The following RNF114 variants were observed in gnomAD, a reference collection of about 807,000 sequenced individuals.
The protein encoded by RNF114 is ring finger protein 114.
Under a neutral mutation model 28.4 loss-of-function variants are expected in RNF114, and 6 were observed. That is an observed-to-expected ratio of 0.21 (90% CI 0.12 to 0.42). The LOEUF is 0.42. Ranked by LOEUF, RNF114 falls within the 10% of genes least tolerant of loss-of-function variation. The probability of loss-of-function intolerance (pLI) is 1.00; values close to 1 mark genes in which losing one functional copy is unlikely to be tolerated. For synonymous variants in RNF114, 115 were observed against 116.7 expected, an observed-to-expected ratio of 0.99 and a Z score of 0.09; for missense variants, 249 against 311.7, an observed-to-expected ratio of 0.80 and a Z score of 1.51.
At chr20:49,939,244 T>C (rs2146853251) in intron 1 of RNF114, among the ~76,000 whole-genome samples, 1 of 152,360 alleles carries the variant, frequency 6.6e-6, no homozygotes, top group South Asian at 2.1e-4. Flanking sequence ...CTCTAGAATG[T>C]AAGCATCATG....
At chr20:49,936,892 G>A (rs1568917645) in intron 1 of RNF114, among the ~76,000 whole-genome samples, 1 of 152,196 alleles carries the variant, frequency 6.6e-6, no homozygotes, top group Non-Finnish European at 1.5e-5. Context: ...CCCTTGGAGA[G>A]CCGACGTTTC....
rs142869025 is a variant in RNF114 at position 49,936,675 on chromosome 20, C to T, written c.140+123C>T. On this transcript the variant is annotated intron_variant, in intron 1 of 5. Transcript: ENST00000244061. ...ACCCAGAGGGGCCTCCCGGGGGTGT[C>T]CCCCGGGGCTCCTAAGGGCCGTGAA... 8.0e-6 allele frequency: 10 copies of T among 1,250,962 alleles called. No homozygotes were observed. In the East Asian group the frequency reaches 1.9e-4, roughly 23 times the overall value. 77.5% of individuals were successfully genotyped at this position (1,250,962 alleles called of 1,614,324 possible). A position where few individuals can be genotyped will look rare whatever the true frequency, so the allele number is the denominator to read the frequency against.
At chr20:49,949,879 G>C (rs1431553869) in intron 5 of RNF114, among the ~76,000 whole-genome samples, 1 of 151,578 alleles carries the variant, frequency 6.6e-6, no homozygotes, top group Admixed American at 6.6e-5. Flanking sequence ...TCCTGACCTC[G>C]TGATCTGCCC....
chr20:49,950,608 A>G (rs942880631), intron 5 of RNF114, among the ~76,000 whole-genome samples: 1 of 150,664 alleles, frequency 6.6e-6, no homozygotes, highest in Non-Finnish European at 1.5e-5. Context: ...TCTTGAGCCC[A>G]AGAGACGGAG....
At chr20:49,940,413 T>C (rs950848677) in intron 1 of RNF114, among the ~76,000 whole-genome samples, 7 of 131,414 alleles carry the variant, frequency 5.3e-5, no homozygotes, top group African/African-American at 2.1e-4. Context: ...ATCTGAACCC[T>C]TTTTTTTTTT....
rs2146859652 is a variant in RNF114 at position 49,949,247 on chromosome 20, G to T, written c.514-1G>T. On this transcript the variant is annotated splice_acceptor_variant, in intron 4 of 5. Coordinates refer to ENST00000244061, the MANE Select transcript of RNF114 (RefSeq NM_018683.4). LOFTEE classifies it high-confidence loss of function. ...CTAAGACCTTGCTTTTGTGTTGAAA[G>T]GTTTGTCCGATATGTGCCTCGATGC... 6.2e-7 allele frequency: 1 copy of T among 1,613,998 alleles called. No homozygotes were observed. Among genetic ancestry groups the T allele is most frequent in the South Asian group, 1.1e-5 (1 of 91,080 alleles).
chr20:49,943,873 G>GATACATAT (rs1555857476), intron 2 of RNF114: 2 of 122,136 alleles, frequency 1.6e-5, no homozygotes, highest in African/African-American at 3.1e-5. Flanking sequence ...TACACACAGA[G>GATACATAT]ATATATATAT....
At chr20:49,941,979 T>A (rs2090309764) in intron 2 of RNF114, 1 of 406,100 alleles carries the variant, frequency 2.5e-6, no homozygotes, top group Admixed American at 4.7e-5. Flanking sequence ...AAAAGATCAA[T>A]TATGGCCAGG....
chr20:49,941,233 C>T (rs906646068), intron 1 of RNF114: 2 of 233,872 alleles, frequency 8.6e-6, no homozygotes, highest in African/African-American at 4.5e-5. Context: ...AGGTACTACT[C>T]TCTCCATTTC....
rs367754653 is a variant in RNF114, at chr20:49,949,390, G to C, written c.621+35G>C. 7.1e-6 allele frequency: 11 copies of C among 1,543,334 alleles called. No individual in the cohort carries two copies. The African/African-American group carries it at 1.5e-4, about 21-fold the overall frequency. ...GAGCCTGGGCTCTGATCCCTCCCCT[G>C]GGGGAGTGGCACGGCTACTTCACTC... On this transcript the variant is annotated intron_variant, in intron 5 of 5. Transcript: ENST00000244061.
At chr20:49,944,070 T>G (rs1201962355) in intron 2 of RNF114, 1 of 151,410 alleles carries the variant, frequency 6.6e-6, no homozygotes, top group African/African-American at 2.4e-5. Context: ...TTTTTGGTTT[T>G]GTTTTGTTTT....
chr20:49,952,290 G>T lies in RNF114; in HGVS notation c.*149G>T, dbSNP rs559268160. ...AGGGTCACTTCTGACAGGGGAAGTG[G>T]GTCCCCAGGTCAGCCCTTCTCTTCC... On this transcript the variant is annotated 3_prime_UTR_variant, in exon 6 of 6. Coordinates refer to ENST00000244061, the MANE Select transcript of RNF114 (RefSeq NM_018683.4). 1.5e-6 allele frequency: 1 copy of T among 689,594 alleles called. No homozygotes were observed. The highest frequency in any genetic ancestry group is 1.7e-5 in the African/African-American group (1 of 57,242). 42.7% of individuals were successfully genotyped at this position (689,594 alleles called of 1,614,324 possible).
In RNF114 at chr20:49,952,056, A is replaced by G; in HGVS notation, c.622-20A>G. ...ATCTAGAAACAGTTGCTGAGGCTGC[A>G]TGTCTCTTTTTGCCCTTAGGATTAT... On this transcript the variant is annotated intron_variant, in intron 5 of 5. Transcript: ENST00000244061. The G allele has an allele frequency of 6.2e-7, 1 of 1,602,778 alleles. No individual in the cohort carries two copies. Among genetic ancestry groups the G allele is most frequent in the South Asian group, 1.1e-5 (1 of 90,858 alleles).
At chr20:49,946,273 TTTA>T in intron 4 of RNF114, 23 bp downstream of exon 4, 1 of 1,331,088 alleles carries the variant, frequency 7.5e-7, no homozygotes, top group Non-Finnish European at 1.1e-6. Flanking sequence ...TTTTTTTTTT[TTTA>T]AACTTCATTA....
intron 5 of RNF114, among the ~76,000 whole-genome samples, chr20:49,951,336 TAA>T (rs1389652252): frequency 4.0e-5 from 6 of 151,774 alleles, no homozygotes; most frequent in Non-Finnish European, 8.8e-5. Flanking sequence ...AAATGAGTCC[TAA>T]AAATGACTCA....
Position 49,949,343 on chromosome 20 carries a change from T to C in RNF114, c.609T>C (p.Tyr203=), listed in dbSNP as rs773585709. 25 of 1,613,676 alleles carry C rather than the reference T, an allele frequency of 1.5e-5. No individual in the cohort carries two copies. The highest frequency in any genetic ancestry group is 6.7e-5 in the East Asian group (3 of 44,898). ...TCCAGCGCCGGCACCGGTTTTCTTA[T>C]GACACTTTTGTGGTAAGTCTGGAGC... The part of the protein sequence containing the change: ...EHIQRRHRFS[Y]DTFVDYDVDE... Residue 203 remains tyrosine, a synonymous_variant, in exon 5 of 6, where the codon TAT becomes TAC. Coordinates refer to ENST00000244061, the MANE Select transcript of RNF114 (RefSeq NM_018683.4).
chr20:49,945,551 A>ACCTTGCC, intron 3 of RNF114, 63 bp downstream of exon 3: 1 of 977,892 alleles, frequency 1.0e-6, no homozygotes, highest in Admixed American at 1.8e-5. Flanking sequence ...AAGAGGTTGC[A>ACCTTGCC]TGCCCAGGGG....
At chr20:49,943,345 C>A (rs946634581) in intron 2 of RNF114, among the ~76,000 whole-genome samples, 5 of 152,084 alleles carry the variant, frequency 3.3e-5, no homozygotes, top group Non-Finnish European at 5.9e-5. Flanking sequence ...AACAAACCAA[C>A]AAACAAAACC....
In RNF114 at chr20:49,941,841, C is replaced by A; in HGVS notation, c.291+130C>A. On this transcript the variant is annotated intron_variant, in intron 2 of 5. Transcript: ENST00000244061. ...AACAGCACGCGTGCATGCCAATTAC[C>A]TGTGGTGATGGCTGGGCTGGTTTGT... 3.4e-6 allele frequency: 3 copies of A among 870,520 alleles called. No individual in the cohort carries two copies. In the East Asian group the frequency reaches 8.2e-5, roughly 24 times the overall value. The allele number at this position is 870,520 out of a possible 1,614,324, so 53.9% of individuals were successfully genotyped here.
Sources: gnomAD v4.1 joint callset for allele counts (sites outside exome capture counted in the v4.1 genomes callset) on GRCh38, gnomAD v4.1.1 for gene constraint, MANE v1.5 for transcripts, NCBI Gene and HGNC (gene_info 2026-07-23, HGNC 2026-07-21) for gene names.